C12orf42: variants seen among roughly 807,000 people sequenced by gnomAD.
C12orf42 encodes uncharacterized protein C12orf42.
A neutral mutation model predicts 21.6 loss-of-function variants in C12orf42; 25 were observed. The observed-to-expected ratio is 1.16, with a 90% CI of 0.84 to 1.62. C12orf42 has a LOEUF of 1.62. Among genes scored for constraint, C12orf42 ranks in the 40% most tolerant of loss-of-function variants. The pLI is 0.00. For missense variants in C12orf42, 483 were observed against 459.3 expected (o/e 1.05, Z -0.47); for synonymous variants, 174 against 175.0 (o/e 0.99, Z 0.05).
intron 2 of C12orf42, among the ~76,000 whole-genome samples, chr12:103,476,504 T>C (rs1954062416): frequency 6.6e-6 from 1 of 152,198 alleles, no homozygotes; most frequent in Admixed American, 6.5e-5. Context: ...AGGATTCTGA[T>C]TGGTCCAGAC....
chr12:103,355,401 G>A (rs1216035015), intron 4 of C12orf42, among the ~76,000 whole-genome samples: 3 of 152,134 alleles, frequency 2.0e-5, no homozygotes, highest in Non-Finnish European at 2.9e-5. Context: ...GCAGCAGCAT[G>A]AAGGAAAATG....
At chr12:103,210,755 C>A in the C12orf42 span, among the ~76,000 whole-genome samples, 1 of 148,642 alleles carries the variant, frequency 6.7e-6, no homozygotes, top group Non-Finnish European at 1.5e-5. Context: ...CCATGACTAT[C>A]ACTAATTCAG....
chr12:103,440,240 A>G (rs1174466874), intron 2 of C12orf42, among the ~76,000 whole-genome samples: 2 of 132,536 alleles, frequency 1.5e-5, no homozygotes, highest in Non-Finnish European at 3.1e-5. Flanking sequence ...GAGGAATATC[A>G]CACGCTGGGG....
chr12:103,409,916 C>T (rs1474311332), intron 2 of C12orf42, among the ~76,000 whole-genome samples: 1 of 152,154 alleles, frequency 6.6e-6, no homozygotes, highest in African/African-American at 2.4e-5. Context: ...TGAAACCAGG[C>T]AAAAGTTAAT....
At chr12:103,245,146 C>T (rs2033948452) in intron 10 of C12orf42, among the ~76,000 whole-genome samples, 1 of 152,008 alleles carries the variant, frequency 6.6e-6, no homozygotes, top group African/African-American at 2.4e-5. Flanking sequence ...AGCCCCATTC[C>T]AACAGTGTGA....
the C12orf42 span, among the ~76,000 whole-genome samples, chr12:103,208,309 T>C: frequency 6.6e-6 from 1 of 152,186 alleles, no homozygotes; most frequent in Non-Finnish European, 1.5e-5. Context: ...TGATTACTTC[T>C]GGGGCTGATG....
At chr12:103,193,508 A>T in the C12orf42 span, among the ~76,000 whole-genome samples, 2 of 151,988 alleles carry the variant, frequency 1.3e-5, no homozygotes, top group Admixed American at 6.5e-5. Flanking sequence ...ATATGAAATT[A>T]AAAAGGGGAC....
At chr12:103,449,249 A>G (rs1951784879) in intron 2 of C12orf42, among the ~76,000 whole-genome samples, 1 of 152,050 alleles carries the variant, frequency 6.6e-6, no homozygotes, top group African/African-American at 2.4e-5. Flanking sequence ...TGGAAAAACC[A>G]AACATTGTAT....
At chr12:103,179,041 A>T in the C12orf42 span, among the ~76,000 whole-genome samples, 2 of 152,160 alleles carry the variant, frequency 1.3e-5, no homozygotes, top group Admixed American at 1.3e-4. Context: ...TAATTACCCC[A>T]TGGGTGGATA....
chr12:103,170,631 C>A, the C12orf42 span, among the ~76,000 whole-genome samples: 1 of 151,930 alleles, frequency 6.6e-6, no homozygotes, highest in African/African-American at 2.4e-5. Context: ...TAATCCAGTA[C>A]AATCCAAGAT....
chr12:103,511,987 C>A, the C12orf42 span, among the ~76,000 whole-genome samples: 52 of 152,270 alleles, frequency 3.4e-4, no homozygotes, highest in African/African-American at 1.2e-3. Flanking sequence ...CTAATCCACT[C>A]TCCCTAGAAG....
chr12:103,306,103 C>A lies in C12orf42; in HGVS notation c.502G>T (p.Glu168Ter). The A allele has an allele frequency of 6.2e-7, 1 of 1,613,922 alleles. No homozygotes were observed. Among genetic ancestry groups the A allele is most frequent in the Non-Finnish European group, 8.5e-7 (1 of 1,179,860 alleles). Reference protein sequence around the residue: ...PKQAWNSSFLEQLVKKPNWAH... With the variant: ...PKQAWNSSFL Reference sequence around the variant, plus strand: ...CAGTTAGGCTTTTTAACCAGTTGTTCCAAAAATGAACTGTTCCAAGCCTGC... The same window carrying A: ...CAGTTAGGCTTTTTAACCAGTTGTTACAAAAATGAACTGTTCCAAGCCTGC... The change falls in exon 5 of 6, where the codon GAA (glutamate) becomes TAA (stop). Residue 168 changes from glutamate to a stop codon, truncating the protein, a stop_gained. Coordinates refer to ENST00000548883, the MANE Select transcript of C12orf42 (RefSeq NM_198521.5). LOFTEE classifies it high-confidence loss of function.
At chr12:103,435,025 T>C (rs1353127913) in intron 2 of C12orf42, among the ~76,000 whole-genome samples, 1 of 152,096 alleles carries the variant, frequency 6.6e-6, no homozygotes, top group Non-Finnish European at 1.5e-5. Context: ...AAGAGAGCAG[T>C]GGTTCTCCCA....
intron 4 of C12orf42, among the ~76,000 whole-genome samples, chr12:103,292,738 T>C (rs1322067544): frequency 6.6e-6 from 1 of 152,118 alleles, no homozygotes; most frequent in Non-Finnish European, 1.5e-5. Context: ...CCATTTCAAT[T>C]TTAAAGTATT....
At chr12:103,309,419 A>G (rs1375572295) in intron 4 of C12orf42, among the ~76,000 whole-genome samples, 2 of 152,366 alleles carry the variant, frequency 1.3e-5, no homozygotes, top group East Asian at 3.9e-4. Context: ...GTAAGAATAC[A>G]GTATATAATA....
the C12orf42 span, among the ~76,000 whole-genome samples, chr12:103,134,660 A>G: frequency 1.3e-5 from 2 of 152,172 alleles, no homozygotes; most frequent in Non-Finnish European, 2.9e-5. Context: ...TTGCCATCCC[A>G]GAAGGTGAAG....
chr12:103,113,937 T>C, the C12orf42 span, among the ~76,000 whole-genome samples: 1 of 152,238 alleles, frequency 6.6e-6, no homozygotes, highest in Non-Finnish European at 1.5e-5. Context: ...AATGGGGCCA[T>C]GTACATGAAT....
intron 4 of C12orf42, among the ~76,000 whole-genome samples, chr12:103,330,063 A>G (rs1269968929): frequency 6.6e-6 from 1 of 152,180 alleles, no homozygotes; most frequent in African/African-American, 2.4e-5. Flanking sequence ...TACTCCTTCA[A>G]TTATAGAAAT....
chr12:103,279,382 C>T (rs1213113491), intron 4 of C12orf42, among the ~76,000 whole-genome samples: 1 of 151,962 alleles, frequency 6.6e-6, no homozygotes, highest in Non-Finnish European at 1.5e-5. Flanking sequence ...TTTATTATAT[C>T]TCAATAAAGC....
Sources: gnomAD v4.1 joint callset for allele counts (sites outside exome capture counted in the v4.1 genomes callset) on GRCh38, gnomAD v4.1.1 for gene constraint, MANE v1.5 for transcripts, NCBI Gene and HGNC (gene_info 2026-07-23, HGNC 2026-07-21) for gene names.